Variants in PIEZO1 observed in about 807,000 individuals in gnomAD.
PIEZO1 encodes piezo-type mechanosensitive ion channel component 1.
Under a neutral mutation model 297.2 loss-of-function variants are expected in PIEZO1, and 296 were observed. The ratio of observed to expected loss-of-function variants is 1.00; its 90% CI spans 0.91 to 1.10. PIEZO1 has a LOEUF of 1.10. PIEZO1 is among the 50% of genes least tolerant of loss of function. PIEZO1 has a pLI of 0.00. For missense variants in PIEZO1, 5,018 were observed against 3,455.5 expected (o/e 1.45, Z -11.34); for synonymous variants, 2,427 against 1,507.5 (o/e 1.61, Z -14.13).
At chr16:88,746,963 G>A (rs750126) in intron 2 of PIEZO1, among the ~76,000 whole-genome samples, 67,920 of 151,996 alleles carry the variant, frequency 0.45, 15,297 homozygotes, top group Middle Eastern at 0.53. Flanking sequence ...CCCCAGCCAT[G>A]CATCCTGGAG....
chr16:88,771,032 G>T (rs563640815), intron 1 of PIEZO1, among the ~76,000 whole-genome samples: 1 of 152,278 alleles, frequency 6.6e-6, no homozygotes, highest in South Asian at 2.1e-4. Context: ...ACCCTATCAC[G>T]TCTTGCTCTG....
intron 44 of PIEZO1, 136 bp from the exon 45 acceptor site, chr16:88,717,347 GCAGACA>G: frequency 4.2e-6 from 3 of 716,214 alleles, no homozygotes; most frequent in Non-Finnish European, 7.4e-6. Flanking sequence ...GTAATGGTGG[GCAGACA>G]CAGGCCAGTG....
chr16:88,723,439 C>T lies in PIEZO1; in HGVS notation c.4336-111G>A, dbSNP rs1904299357. The T allele has an allele frequency of 2.4e-6, 3 of 1,235,390 alleles. No individual in the cohort carries two copies. The South Asian group carries it at 4.2e-5, about 17-fold the overall frequency. The allele number at this position is 1,235,390 out of a possible 1,614,324, so 76.5% of individuals were successfully genotyped here. ...GATCCAGATCCCTGCTCTGTGTCTC[C>T]CAGGGACCTCCGTGTCCCTGAGCCC... On this transcript the variant is annotated intron_variant, in intron 31 of 50. Transcript: ENST00000301015.
chr16:88,778,457 G>A (rs1434018934), intron 1 of PIEZO1, among the ~76,000 whole-genome samples: 1 of 152,250 alleles, frequency 6.6e-6, no homozygotes, highest in African/African-American at 2.4e-5. Context: ...GAGGGAGCCT[G>A]AAATACTCCC....
Position 88,717,051 on chromosome 16 carries a change from G to A in PIEZO1, c.6632C>T (p.Thr2211Ile). 6.4e-7 allele frequency: 1 copy of A among 1,550,824 alleles called. No individual in the cohort carries two copies. The highest frequency in any genetic ancestry group is 8.7e-7 in the Non-Finnish European group (1 of 1,147,018). ...ATAGCCGCCCAGCTTCAGGGTGACG[G>A]TGACATCGATGGGCTGGTTGACAAC... The part of the protein sequence containing the change: ...VGVVNQPIDV[T>I]VTLKLGGYEP... The change falls in exon 45 of 51, where the codon ACC (threonine) becomes ATC (isoleucine). Residue 2211 changes from threonine (T) to isoleucine (I), a missense_variant. Physicochemically the swap from Thr to Ile is moderately conservative, Grantham distance 89. Coordinates refer to ENST00000301015, the MANE Select transcript of PIEZO1 (RefSeq NM_001142864.4).
At chr16:88,733,030 G>A (rs886130384) in intron 19 of PIEZO1, 30 of 582,488 alleles carry the variant, frequency 5.2e-5, no homozygotes, top group Admixed American at 2.8e-4. Context: ...GGGCCCTCCC[G>A]TCCTCACTGC....
chr16:88,735,499 G>A (rs1026172519), intron 12 of PIEZO1, among the ~76,000 whole-genome samples: 3 of 152,256 alleles, frequency 2.0e-5, no homozygotes, highest in Non-Finnish European at 4.4e-5. Context: ...TCACACACGG[G>A]TTCACTAGTT....
rs1435848241 is a variant in PIEZO1 at position 88,736,215 on chromosome 16, C to G, written c.1490G>C (p.Gly497Ala). Reference protein sequence around the residue: ...DLRPELPTTLGPVSLRQLGLE... With the variant: ...DLRPELPTTLAPVSLRQLGLE... ...CCCCAGCTGGCGCAGGCTGACGGGG[C>G]CCAGGGTGGTGGGCAGCTCAGGGCG... Residue 497 changes from glycine (G) to alanine (A), a missense_variant, in exon 12 of 51, where the codon GGC becomes GCC. Physicochemically the swap from Gly to Ala is moderately conservative, Grantham distance 60 (BLOSUM62 0). Coordinates refer to ENST00000301015, the MANE Select transcript of PIEZO1 (RefSeq NM_001142864.4). The G allele has an allele frequency of 6.5e-7, 1 of 1,549,878 alleles. No homozygotes were observed. Among genetic ancestry groups the G allele is most frequent in the East Asian group, 2.4e-5 (1 of 40,924 alleles).
At chr16:88,722,091 G>C (rs1228503955) in intron 36 of PIEZO1, 25 bp from the exon 37 acceptor site, 1 of 1,538,804 alleles carries the variant, frequency 6.5e-7, no homozygotes, top group Non-Finnish European at 8.8e-7. Context: ...GCGTGTTTGG[G>C]GGAGTCTGGG....
chr16:88,721,082 G>C, intron 39 of PIEZO1, 84 bp downstream of exon 39: 3 of 1,335,652 alleles, frequency 2.2e-6, no homozygotes, highest in Non-Finnish European at 2.0e-6. Context: ...GGGCTTGGCC[G>C]TCTCATCTGA....
In PIEZO1 at chr16:88,723,251, C is replaced by T. The variant is rs1218421548; in HGVS notation, c.4413G>A (p.Gln1471=). 6.5e-7 allele frequency: 1 copy of T among 1,535,254 alleles called. No individual in the cohort carries two copies. Among genetic ancestry groups the T allele is most frequent in the African/African-American group, 1.4e-5 (1 of 71,366 alleles). ...RRQQEQEQAR[Q]EQAGQLPTGG... ...CTGTGGGTAGCTGTCCTGCCTGTTC[C>T]TGCCTTGCCTGCTCCTGCTCCTGCT... Residue 1471 remains glutamine, a synonymous_variant, in exon 32 of 51, where the codon CAG becomes CAA. Coordinates refer to ENST00000301015, the MANE Select transcript of PIEZO1 (RefSeq NM_001142864.4).
intron 1 of PIEZO1, among the ~76,000 whole-genome samples, chr16:88,750,434 A>C (rs1009867448): frequency 6.6e-6 from 1 of 152,252 alleles, no homozygotes; most frequent in Non-Finnish European, 1.5e-5. Flanking sequence ...GCGCGCCTTC[A>C]GCCCAAATGC....
chr16:88,757,316 TGGCGG>T (rs1476789641), intron 1 of PIEZO1, among the ~76,000 whole-genome samples: 2 of 3,820 alleles, frequency 5.2e-4, no homozygotes, highest in Non-Finnish European at 1.3e-3. Flanking sequence ...GGGGCGTTGC[TGGCGG>T]GGGGGTGGGG....
chr16:88,715,567 A>G lies in PIEZO1; in HGVS notation c.*38T>C, dbSNP rs1272972363. 2.0e-5 allele frequency: 30 copies of G among 1,535,504 alleles called. No homozygotes were observed. The highest frequency in any genetic ancestry group is 2.5e-5 in the Non-Finnish European group (29 of 1,138,930). On this transcript the variant is annotated 3_prime_UTR_variant, in exon 51 of 51. Transcript: ENST00000301015. Reference sequence around the variant, plus strand: ...GCCCCTTGTGGCCACGCTGCCCAGCAGGCCGGCTCCTTCCCTCTCGGGCGC... The same window carrying G: ...GCCCCTTGTGGCCACGCTGCCCAGCGGGCCGGCTCCTTCCCTCTCGGGCGC...
chr16:88,779,099 T>C (rs1209360604), intron 1 of PIEZO1, among the ~76,000 whole-genome samples: 2 of 150,208 alleles, frequency 1.3e-5, no homozygotes. Flanking sequence ...TGGAGTGCAG[T>C]GGCACGACTG....
At chr16:88,740,206 CG>C in intron 5 of PIEZO1, 1 of 152,412 alleles carries the variant, frequency 6.6e-6, no homozygotes, top group Non-Finnish European at 1.5e-5. Flanking sequence ...GAGGGTCGCC[CG>C]GGGGCCCTGC....
At chr16:88,746,201 G>A (rs1906047692) in intron 2 of PIEZO1, among the ~76,000 whole-genome samples, 1 of 152,092 alleles carries the variant, frequency 6.6e-6, no homozygotes, top group East Asian at 1.9e-4. Context: ...TTGAGACAGA[G>A]GATGGAGACT....
At chr16:88,779,717 C>T (rs752432300) in intron 1 of PIEZO1, among the ~76,000 whole-genome samples, 4 of 152,222 alleles carry the variant, frequency 2.6e-5, no homozygotes, top group Non-Finnish European at 5.9e-5. Context: ...CCCCACAGGT[C>T]CCAAGGAGCC....
intron 5 of PIEZO1, chr16:88,740,461 G>C (rs1299664518): frequency 6.6e-6 from 1 of 152,248 alleles, no homozygotes; most frequent in Non-Finnish European, 1.5e-5. Context: ...GGGAGGGGCG[G>C]GTCTCTTGGA....
Sources: allele counts gnomAD v4.1 joint callset (sites outside exome capture counted in the v4.1 genomes callset), GRCh38; gene constraint gnomAD v4.1.1; transcripts MANE v1.5; gene names NCBI Gene and HGNC (gene_info 2026-07-23, HGNC 2026-07-21).